Variants in DCLK1 observed in about 807,000 individuals in gnomAD.
DCLK1 encodes serine/threonine-protein kinase DCLK1.
In DCLK1, 16 loss-of-function variants were observed where a neutral mutation model predicts 86.2. The ratio of observed to expected loss-of-function variants is 0.19; its 90% CI spans 0.13 to 0.28. The LOEUF (loss-of-function observed/expected upper bound fraction) is 0.28, where lower values mean the gene tolerates loss of function less well. Among genes scored for constraint, DCLK1 ranks in the 10% least tolerant of loss-of-function variants. The pLI, the probability that DCLK1 is intolerant of heterozygous loss-of-function variation, is 1.00. For missense variants in DCLK1, 590 were observed against 940.2 expected (o/e 0.63, Z 4.87); for synonymous variants, 369 against 370.5 (o/e 1.00, Z 0.05).
intron 3 of DCLK1, among the ~76,000 whole-genome samples, chr13:36,103,478 A>G (rs7981254): frequency 0.6 from 90,360 of 150,576 alleles, 27,691 homozygotes; most frequent in East Asian, 0.86. Flanking sequence ...CAATGCGACT[A>G]TGGGTAATTT....
At chr13:35,828,383 T>C in intron 8 of DCLK1, 76 bp from the exon 9 acceptor site, 2 of 1,186,500 alleles carry the variant, frequency 1.7e-6, no homozygotes, top group South Asian at 2.7e-5. Flanking sequence ...AGGGATCAAT[T>C]TCCTACCCCA....
chr13:35,783,300 G>A (rs2086562081), intron 16 of DCLK1, among the ~76,000 whole-genome samples: 1 of 146,734 alleles, frequency 6.8e-6, no homozygotes, highest in Admixed American at 6.7e-5. Flanking sequence ...GGAAGTGAGG[G>A]AAACAGAAAG....
In DCLK1 at chr13:36,112,056, T is replaced by C; in HGVS notation, c.536A>G (p.Asn179Ser). 1 of 1,614,204 alleles carries C rather than the reference T, an allele frequency of 6.2e-7. No homozygotes were observed. Among genetic ancestry groups the C allele is most frequent in the Non-Finnish European group, 8.5e-7 (1 of 1,180,036 alleles). ...CAGCTTGGGCCGAATGAAATCCTTA[T>C]TCTCTCGCACCTCTGAAGGGCTTCC... ...AKGSPSEVRE[N>S]KDFIRPKLVT... Residue 179 changes from asparagine (N) to serine (S), a missense_variant, in exon 3 of 17, where the codon AAT becomes AGT. Physicochemically the swap from Asn to Ser is conservative, Grantham distance 46 (BLOSUM62 1). Transcript: ENST00000360631.
chr13:36,107,560 T>A (rs986633330), intron 3 of DCLK1, among the ~76,000 whole-genome samples: 1 of 152,152 alleles, frequency 6.6e-6, no homozygotes, highest in Non-Finnish European at 1.5e-5. Flanking sequence ...GTAGATAAGA[T>A]AGGGATGTGC....
intron 3 of DCLK1, among the ~76,000 whole-genome samples, chr13:36,096,584 G>C (rs917405619): frequency 5.3e-5 from 8 of 152,120 alleles, no homozygotes; most frequent in African/African-American, 1.9e-4. Context: ...GGACAAGTGG[G>C]AAACTCACCA....
intron 4 of DCLK1, among the ~76,000 whole-genome samples, chr13:35,914,373 A>ATATATATATATATG (rs1875274349): frequency 2.7e-5 from 1 of 36,744 alleles, no homozygotes; most frequent in Admixed American, 3.4e-4. Context: ...ATATATGTAT[A>ATATATATATATATG]TATATATATA....
chr13:36,073,456 C>A (rs1180372490), intron 3 of DCLK1, among the ~76,000 whole-genome samples: 1 of 151,928 alleles, frequency 6.6e-6, no homozygotes, highest in African/African-American at 2.4e-5. Context: ...GAGGGTAAGA[C>A]AAGAGTCTCA....
At chr13:35,931,237 C>T (rs920207245) in intron 4 of DCLK1, among the ~76,000 whole-genome samples, 2 of 152,126 alleles carry the variant, frequency 1.3e-5, no homozygotes, top group Non-Finnish European at 2.9e-5. Flanking sequence ...GAAATCAGAC[C>T]TCTTTTCAAC....
intron 3 of DCLK1, among the ~76,000 whole-genome samples, chr13:36,012,219 CCATTTA>C (rs1881306553): frequency 7.2e-6 from 1 of 139,200 alleles, no homozygotes; most frequent in Non-Finnish European, 1.5e-5. Context: ...AGAATTTAGT[CCATTTA>C]CATTTAAAGT....
intron 15 of DCLK1, among the ~76,000 whole-genome samples, chr13:35,794,672 C>G (rs1399292411): frequency 6.6e-6 from 1 of 152,222 alleles, no homozygotes; most frequent in Non-Finnish European, 1.5e-5. Flanking sequence ...CTCTCCTAGA[C>G]CCTCTGCTCC....
intron 5 of DCLK1, among the ~76,000 whole-genome samples, chr13:35,870,107 G>C (rs908255652): frequency 2.6e-5 from 4 of 152,172 alleles, no homozygotes; most frequent in African/African-American, 9.7e-5. Context: ...CAAACAAGAT[G>C]CATCTCAAGT....
chr13:35,799,005 G>A (rs2086865077), intron 15 of DCLK1, among the ~76,000 whole-genome samples: 1 of 152,142 alleles, frequency 6.6e-6, no homozygotes, highest in African/African-American at 2.4e-5. Context: ...AAAGTGTAAA[G>A]GCCAGGAAGG....
intron 11 of DCLK1, among the ~76,000 whole-genome samples, chr13:35,817,363 CAG>C (rs568983929): frequency 2.7e-4 from 41 of 152,100 alleles, no homozygotes; most frequent in Non-Finnish European, 5.0e-4. Context: ...CATGCAAATT[CAG>C]AGAGTAGAAT....
At chr13:35,816,541 AT>A (rs2087270694) in intron 11 of DCLK1, among the ~76,000 whole-genome samples, 1 of 152,172 alleles carries the variant, frequency 6.6e-6, no homozygotes, top group Non-Finnish European at 1.5e-5. Context: ...CTTCATGTGC[AT>A]TTTGGCCCAT....
chr13:36,107,963 T>C (rs1885459813), intron 3 of DCLK1, among the ~76,000 whole-genome samples: 1 of 152,086 alleles, frequency 6.6e-6, no homozygotes, highest in African/African-American at 2.4e-5. Context: ...TCTCAGACTC[T>C]AAGATCCTGC....
chr13:35,922,126 G>T (rs1052417662), intron 4 of DCLK1, among the ~76,000 whole-genome samples: 1 of 152,140 alleles, frequency 6.6e-6, no homozygotes, highest in East Asian at 1.9e-4. Flanking sequence ...ATCATCACTT[G>T]AGTTGAATCA....
chr13:35,905,914 A>G lies in DCLK1; in HGVS notation c.824-34574T>C, dbSNP rs148317788. Among the ~76,000 whole-genome samples, 1,260 of 152,272 alleles carry G rather than the reference A, an allele frequency of 8.3e-3. 18 individuals are homozygous for G. Among genetic ancestry groups the G allele is most frequent in the African/African-American group, 0.029 (1,194 of 41,544 alleles). On this transcript the variant is annotated intron_variant, in intron 4 of 16. Coordinates refer to ENST00000360631, the MANE Select transcript of DCLK1 (RefSeq NM_001330071.2). ...ATCTGAAGTCCCAGTCGCCCATTAT[A>G]TATCTCGGCAAACTTTCATTTAATT...
intron 5 of DCLK1, among the ~76,000 whole-genome samples, chr13:35,864,804 C>T (rs1427997354): frequency 6.6e-6 from 1 of 151,750 alleles, no homozygotes; most frequent in African/African-American, 2.4e-5. Flanking sequence ...AGGTGTGCAC[C>T]ATTACACCCA....
rs1047687937 is a variant in DCLK1, at chr13:35,932,414, A to G, written c.823+14944T>C. On this transcript the variant is annotated intron_variant, in intron 4 of 16. Transcript: ENST00000360631. Reference sequence around the variant, plus strand: ...TTCCTTATAAGTATATCTTTCGTCTATTTCTGTGTGTGTATGTGTATTAGT... The same window carrying G: ...TTCCTTATAAGTATATCTTTCGTCTGTTTCTGTGTGTGTATGTGTATTAGT... Among the ~76,000 whole-genome samples, 5 of 152,252 alleles carry G rather than the reference A, an allele frequency of 3.3e-5. No homozygotes were observed. In the South Asian group the frequency reaches 6.2e-4, roughly 19 times the overall value.
Sources: allele counts gnomAD v4.1 joint callset (sites outside exome capture counted in the v4.1 genomes callset), GRCh38; gene constraint gnomAD v4.1.1; transcripts MANE v1.5; gene names NCBI Gene and HGNC (gene_info 2026-07-23, HGNC 2026-07-21).